Variants in L2HGDH observed in about 807,000 individuals in gnomAD.
The protein encoded by L2HGDH is L-2-hydroxyglutarate dehydrogenase, also known as L-2-hydroxyglutarate dehydrogenase, mitochondrial.
A neutral mutation model predicts 51.5 loss-of-function variants in L2HGDH; 34 were observed. The ratio of observed to expected loss-of-function variants is 0.66; its 90% CI spans 0.50 to 0.88. L2HGDH has a LOEUF of 0.88. Ranked by LOEUF, L2HGDH falls within the 40% of genes least tolerant of loss-of-function variation. The pLI, the probability that L2HGDH is intolerant of heterozygous loss-of-function variation, is 0.00. For synonymous variants in L2HGDH, 198 were observed against 197.9 expected (o/e 1.00, Z -0.01); for missense variants, 558 against 571.9 (o/e 0.98, Z 0.25).
In L2HGDH at chr14:50,243,075, G is replaced by C; in HGVS notation, c.*3983C>G. ...GTTAAGGTTATCCCACAGGCTACTA[G>C]GTAGATTTCCAAATGGCCTCAGGGA... On this transcript the variant is annotated 3_prime_UTR_variant, in exon 10 of 10. Coordinates refer to ENST00000267436, the MANE Select transcript of L2HGDH (RefSeq NM_024884.3). 6 of 985,416 alleles carry C rather than the reference G, an allele frequency of 6.1e-6. No homozygotes were observed. The highest frequency in any genetic ancestry group is 7.2e-6 in the Non-Finnish European group (6 of 829,944). 61.0% of individuals were successfully genotyped at this position (985,416 alleles called of 1,614,324 possible).
intron 1 of L2HGDH, among the ~76,000 whole-genome samples, chr14:50,306,600 GTTT>G (rs71118864): frequency 6.8e-5 from 9 of 133,202 alleles, no homozygotes; most frequent in Non-Finnish European, 9.5e-5. Context: ...TTGTTTTGGG[GTTT>G]TTTTTTTTTT....
chr14:50,311,584 G>A (rs1451533979), intron 1 of L2HGDH, among the ~76,000 whole-genome samples: 1 of 152,176 alleles, frequency 6.6e-6, no homozygotes, highest in Non-Finnish European at 1.5e-5. Context: ...ATTTAAGACT[G>A]TATTCAGATC....
Position 50,245,483 on chromosome 14 carries a change from T to C in L2HGDH, c.*1575A>G. 1 of 982,920 alleles carries C rather than the reference T, an allele frequency of 1.0e-6. No individual in the cohort carries two copies. Among genetic ancestry groups the C allele is most frequent in the Non-Finnish European group, 1.2e-6 (1 of 827,668 alleles). 60.9% of individuals were successfully genotyped at this position (982,920 alleles called of 1,614,324 possible). The stretch of plus-strand genomic sequence containing the variant: ...ACTGGAAATAATAAAGGCTTTGAGT[T>C]TGTTTTGTTATTTCCTACAAATATT... On this transcript the variant is annotated 3_prime_UTR_variant, in exon 10 of 10. Transcript: ENST00000267436.
chr14:50,283,834 C>A, intron 5 of L2HGDH, 37 bp downstream of exon 5: 2 of 1,591,410 alleles, frequency 1.3e-6, no homozygotes, highest in Non-Finnish European at 1.7e-6. Flanking sequence ...ATATGGAGGG[C>A]TGACTATATT....
At chr14:50,308,355 C>G (rs2030850855) in intron 1 of L2HGDH, among the ~76,000 whole-genome samples, 1 of 150,474 alleles carries the variant, frequency 6.6e-6, no homozygotes, top group African/African-American at 2.5e-5. Context: ...CCACTGCGCT[C>G]CAGCCTGGGC....
chr14:50,302,073 C>T lies in L2HGDH; in HGVS notation c.352G>A (p.Ala118Thr). The change falls in exon 3 of 10, where the codon GCC becomes ACC. Residue 118 changes from alanine to threonine, a missense_variant. Physicochemically the swap from Ala to Thr is moderately conservative, Grantham distance 58. This residue lies in a region of L2HGDH where 194 missense variants were observed against 187.2 expected (regional missense o/e 1.04). Coordinates refer to ENST00000267436, the MANE Select transcript of L2HGDH (RefSeq NM_024884.3). The part of the protein sequence containing the change: ...LKAKLCVQGA[A>T]LLYEYCQQKG... ...TGCTGACAGTACTCATAGAGGAGGG[C>T]TGCACCTTGTACACATAATTTGGCT... 6.2e-7 allele frequency: 1 copy of T among 1,614,112 alleles called. No individual in the cohort carries two copies. The highest frequency in any genetic ancestry group is 8.5e-7 in the Non-Finnish European group (1 of 1,180,012).
chr14:50,244,526 C>T lies in L2HGDH; in HGVS notation c.*2532G>A. 1 of 985,338 alleles carries T rather than the reference C, an allele frequency of 1.0e-6. No homozygotes were observed. The highest frequency in any genetic ancestry group is 1.2e-6 in the Non-Finnish European group (1 of 829,904). The allele number at this position is 985,338 out of a possible 1,614,324, so 61.0% of individuals were successfully genotyped here. On this transcript the variant is annotated 3_prime_UTR_variant, in exon 10 of 10. Coordinates refer to ENST00000267436, the MANE Select transcript of L2HGDH (RefSeq NM_024884.3). The stretch of plus-strand genomic sequence containing the variant: ...TCTTGTAATGGAACAGAAAAATATC[C>T]TGTGTTTGCATTTCTTGCAGGAATC...
chr14:50,260,379 A>G (rs1281081720), intron 9 of L2HGDH, among the ~76,000 whole-genome samples: 1 of 152,208 alleles, frequency 6.6e-6, no homozygotes, highest in Non-Finnish European at 1.5e-5. Context: ...AATGTCCTAT[A>G]TCTTGTTCTG....
chr14:50,307,146 A>C (rs1343040191), intron 1 of L2HGDH, among the ~76,000 whole-genome samples: 1 of 152,122 alleles, frequency 6.6e-6, no homozygotes, highest in African/African-American at 2.4e-5. Flanking sequence ...TATAACACAA[A>C]AGCTTTTGGG....
chr14:50,245,261 G>A lies in L2HGDH; in HGVS notation c.*1797C>T. 2.0e-6 allele frequency: 2 copies of A among 985,042 alleles called. No homozygotes were observed. Among genetic ancestry groups the A allele is most frequent in the South Asian group, 4.7e-5 (1 of 21,278 alleles). 61.0% of individuals were successfully genotyped at this position (985,042 alleles called of 1,614,324 possible). On this transcript the variant is annotated 3_prime_UTR_variant, in exon 10 of 10. Coordinates refer to ENST00000267436, the MANE Select transcript of L2HGDH (RefSeq NM_024884.3). ...AGAGCCTTAGTGTGACTAAAGATCA[G>A]AGATATAATAGATAAATAACTTTTT...
At position 50,242,750 on chromosome 14, in the gene L2HGDH, T is replaced by C. The variant is rs1439781588; in HGVS notation, c.*4308A>G. On this transcript the variant is annotated 3_prime_UTR_variant, in exon 10 of 10. Coordinates refer to ENST00000267436, the MANE Select transcript of L2HGDH (RefSeq NM_024884.3). The stretch of plus-strand genomic sequence containing the variant: ...TCCCTTTGAGTGTGTTAGAAAAGCT[T>C]AGAAACTGACTTTACGATTACAACT... 2.0e-6 allele frequency: 2 copies of C among 985,320 alleles called. No individual in the cohort carries two copies. Among genetic ancestry groups the C allele is most frequent in the African/African-American group, 3.5e-5 (2 of 57,248 alleles). The allele number at this position is 985,320 out of a possible 1,614,324, so 61.0% of individuals were successfully genotyped here.
chr14:50,248,124 C>A (rs1361449860), intron 9 of L2HGDH, among the ~76,000 whole-genome samples: 1 of 152,038 alleles, frequency 6.6e-6, no homozygotes, highest in Non-Finnish European at 1.5e-5. Flanking sequence ...ACTTAAAATT[C>A]TATTTTATAA....
intron 1 of L2HGDH, chr14:50,311,559 G>A: frequency 2.2e-6 from 1 of 444,626 alleles, no homozygotes; most frequent in South Asian, 1.6e-5. Context: ...ACTATGCGGG[G>A]TGTGCCAGGA....
intron 4 of L2HGDH, among the ~76,000 whole-genome samples, chr14:50,292,239 T>C (rs1293158289): frequency 6.6e-6 from 1 of 152,182 alleles, no homozygotes; most frequent in Non-Finnish European, 1.5e-5. Context: ...ATGTAAATTG[T>C]CTCCACACAG....
intron 3 of L2HGDH, among the ~76,000 whole-genome samples, chr14:50,298,217 C>T (rs1316839715): frequency 6.7e-6 from 1 of 150,190 alleles, no homozygotes; most frequent in Non-Finnish European, 1.5e-5. Context: ...GCACTCCAGG[C>T]TGGGTAACAG....
At chr14:50,249,073 G>C (rs1188158787) in intron 9 of L2HGDH, among the ~76,000 whole-genome samples, 2 of 152,156 alleles carry the variant, frequency 1.3e-5, no homozygotes, top group Non-Finnish European at 2.9e-5. Context: ...AATAAAGCTG[G>C]GCTGGGCTCA....
intron 6 of L2HGDH, among the ~76,000 whole-genome samples, chr14:50,276,051 A>G (rs1049991286): frequency 5.9e-5 from 9 of 152,344 alleles, no homozygotes; most frequent in Admixed American, 6.5e-5. Context: ...CTGACTCTCA[A>G]GAAAATGAGT....
At chr14:50,296,393 A>G (rs1188378654) in intron 3 of L2HGDH, among the ~76,000 whole-genome samples, 2 of 149,668 alleles carry the variant, frequency 1.3e-5, no homozygotes, top group South Asian at 4.2e-4. Flanking sequence ...AAAAAAAAAA[A>G]AAAACTTATA....
At chr14:50,309,657 C>A (rs972777339) in intron 1 of L2HGDH, among the ~76,000 whole-genome samples, 27 of 149,552 alleles carry the variant, frequency 1.8e-4, no homozygotes, top group African/African-American at 4.9e-4. Flanking sequence ...CAACAGATAA[C>A]CTTGTGGCAA....
Sources: allele counts gnomAD v4.1 joint callset (sites outside exome capture counted in the v4.1 genomes callset), GRCh38; gene constraint gnomAD v4.1.1; regional missense constraint gnomAD v4.1.1; transcripts MANE v1.5; gene names NCBI Gene and HGNC (gene_info 2026-07-23, HGNC 2026-07-21).